The following JMY variants were observed in gnomAD, a reference collection of about 807,000 sequenced individuals.
JMY encodes the protein junction mediating and regulatory protein, p53 cofactor, also known as junction-mediating and -regulatory protein.
In JMY, 46 loss-of-function variants were observed where a neutral mutation model predicts 103.3. The observed-to-expected ratio is 0.45, with a 90% CI of 0.35 to 0.57. JMY has a LOEUF of 0.57. Among genes scored for constraint, JMY ranks in the 20% least tolerant of loss-of-function variants. JMY has a pLI of 0.00. For synonymous variants in JMY, 526 were observed against 489.3 expected (o/e 1.07, Z -0.99); for missense variants, 1,238 against 1,255.2 (o/e 0.99, Z 0.21).
intron 1 of JMY, among the ~76,000 whole-genome samples, chr5:79,265,679 C>T (rs1470771182): frequency 1.3e-5 from 2 of 152,046 alleles, no homozygotes; most frequent in African/African-American, 2.4e-5. Flanking sequence ...CATTTATGGA[C>T]TCAGTGTGAT....
At chr5:79,239,438 T>A (rs928888506) in intron 1 of JMY, among the ~76,000 whole-genome samples, 3 of 152,224 alleles carry the variant, frequency 2.0e-5, no homozygotes, top group African/African-American at 4.8e-5. Flanking sequence ...ACAGATATAT[T>A]TTTTAAAATA....
Position 79,316,215 on chromosome 5 carries a change from A to T in JMY, c.2875A>T (p.Ser959Cys). Reference protein sequence around the residue: ...LLPDTDPLTRSIHEALRRIKE... With the variant: ...LLPDTDPLTRCIHEALRRIKE... ...ACCCGATACAGACCCTCTAACACGGAGCATCCATGAAGCTCTTAGAAGAAT... is the reference window on the plus strand; with the variant it reads ...ACCCGATACAGACCCTCTAACACGGTGCATCCATGAAGCTCTTAGAAGAAT... The change falls in exon 10 of 11, where the codon AGC becomes TGC. Residue 959 changes from serine (S) to cysteine (C), a missense_variant. Physicochemically the swap from Ser to Cys is moderately radical, Grantham distance 112. Coordinates refer to ENST00000396137, the MANE Select transcript of JMY (RefSeq NM_152405.5). 1 of 1,614,096 alleles carries T rather than the reference A, an allele frequency of 6.2e-7. No homozygotes were observed. Among genetic ancestry groups the T allele is most frequent in the Non-Finnish European group, 8.5e-7 (1 of 1,179,960 alleles).
intron 1 of JMY, among the ~76,000 whole-genome samples, chr5:79,247,134 A>G (rs1286511040): frequency 6.6e-6 from 1 of 152,198 alleles, no homozygotes; most frequent in African/African-American, 2.4e-5. Flanking sequence ...TAAGTGATAA[A>G]TTTAAATGTT....
intron 10 of JMY, among the ~76,000 whole-genome samples, chr5:79,319,034 C>G (rs1747352744): frequency 6.6e-6 from 1 of 152,158 alleles, no homozygotes. Context: ...TTAGCTCTTT[C>G]ATTACAGATG....
intron 4 of JMY, among the ~76,000 whole-genome samples, chr5:79,297,480 G>A (rs1746595915): frequency 6.6e-6 from 1 of 152,156 alleles, no homozygotes; most frequent in Non-Finnish European, 1.5e-5. Context: ...GGAAATTTCA[G>A]ATGTTAAAAC....
chr5:79,314,354 G>A lies in JMY; in HGVS notation c.2162G>A (p.Cys721Tyr), dbSNP rs1233529188. The change falls in exon 9 of 11, where the codon TGT (cysteine) becomes TAT (tyrosine). Residue 721 changes from cysteine to tyrosine, a missense_variant. Coordinates refer to ENST00000396137, the MANE Select transcript of JMY (RefSeq NM_152405.5). Reference sequence around the variant, plus strand: ...AGTCCTGTTCTCCAAGAGGATCATTGTGACTCTTTACCAAGTGTGTTACAG... The same window carrying A: ...AGTCCTGTTCTCCAAGAGGATCATTATGACTCTTTACCAAGTGTGTTACAG... ...AASPVLQEDHCDSLPSVLQVE... is the reference protein window; with the variant it reads ...AASPVLQEDHYDSLPSVLQVE... 3.1e-6 allele frequency: 5 copies of A among 1,614,062 alleles called. No homozygotes were observed. Among genetic ancestry groups the A allele is most frequent in the East Asian group, 2.2e-5 (1 of 44,902 alleles).
At chr5:79,245,188 C>T (rs770039996) in intron 1 of JMY, among the ~76,000 whole-genome samples, 3 of 152,104 alleles carry the variant, frequency 2.0e-5, no homozygotes, top group Non-Finnish European at 2.9e-5. Flanking sequence ...TATGAAGTTA[C>T]TTTAATGATT....
intron 1 of JMY, among the ~76,000 whole-genome samples, chr5:79,276,441 T>C (rs997282726): frequency 6.6e-6 from 1 of 151,700 alleles, no homozygotes; most frequent in African/African-American, 2.4e-5. Context: ...TGTTTGTTCT[T>C]TTTTTTGAGA....
At chr5:79,239,542 C>G (rs370992369) in intron 1 of JMY, among the ~76,000 whole-genome samples, 1 of 152,254 alleles carries the variant, frequency 6.6e-6, no homozygotes, top group East Asian at 1.9e-4. Flanking sequence ...CGCGGTGGCT[C>G]ATGCCTGTAA....
intron 8 of JMY, 106 bp from the exon 9 acceptor site, chr5:79,314,151 A>T: frequency 3.3e-6 from 5 of 1,493,270 alleles, no homozygotes; most frequent in Non-Finnish European, 4.4e-6. Context: ...GAGCCACCAC[A>T]CCCGGCCACA....
chr5:79,320,812 G>C (rs1747426525), intron 10 of JMY, among the ~76,000 whole-genome samples: 1 of 152,062 alleles, frequency 6.6e-6, no homozygotes, highest in Non-Finnish European at 1.5e-5. Context: ...TAAGGACATT[G>C]CTTTCTATTT....
At chr5:79,316,589 G>A (rs1442656549) in intron 10 of JMY, among the ~76,000 whole-genome samples, 3 of 151,734 alleles carry the variant, frequency 2.0e-5, no homozygotes, top group Non-Finnish European at 4.4e-5. Flanking sequence ...CAAGTAAAGT[G>A]ACAGTCTCAT....
chr5:79,314,988 C>T (rs1292252560), intron 9 of JMY, 137 bp downstream of exon 9: 3 of 758,262 alleles, frequency 4.0e-6, no homozygotes, highest in African/African-American at 1.8e-5. Context: ...CAAAGTCACA[C>T]TAGAGGAGAA....
At position 79,314,628 on chromosome 5, in the gene JMY, A is replaced by AG; in HGVS notation, c.2436_2437insG (p.Pro813AlafsTer18). On this transcript the variant is annotated frameshift_variant, in exon 9 of 11. Transcript: ENST00000396137. LOFTEE classifies it high-confidence loss of function. ...CATCCCCTCTTCCTCCAACACCACC[A>AG]CCTCCCCCACCTCCTCCCCCTCCCC... The AG allele has an allele frequency of 8.9e-7, 1 of 1,128,850 alleles. No individual in the cohort carries two copies. Among genetic ancestry groups the AG allele is most frequent in the Non-Finnish European group, 1.3e-6 (1 of 797,286 alleles). 69.9% of individuals were successfully genotyped at this position (1,128,850 alleles called of 1,614,324 possible). A position where few individuals can be genotyped will look rare whatever the true frequency, so the allele number is the denominator to read the frequency against.
chr5:79,264,363 A>G (rs1745516899), intron 1 of JMY, among the ~76,000 whole-genome samples: 1 of 151,704 alleles, frequency 6.6e-6, no homozygotes, highest in Non-Finnish European at 1.5e-5. Context: ...CTGGAATTAC[A>G]GGTGTGAGCC....
chr5:79,266,993 GTTT>G (rs1745604089), intron 1 of JMY, among the ~76,000 whole-genome samples: 1 of 152,116 alleles, frequency 6.6e-6, no homozygotes, highest in Non-Finnish European at 1.5e-5. Context: ...TGTGTCATCT[GTTT>G]TTAAAAATTA....
chr5:79,300,413 A>T lies in JMY; in HGVS notation c.1693+95A>T, dbSNP rs1746698921. ...TATGTTTCTTTTGTTAAGACATTTA[A>T]AAAATTGTTTTCTGTAGGGATAGAG... is the stretch of plus-strand genomic sequence containing the variant. On this transcript the variant is annotated intron_variant, in intron 5 of 10. Transcript: ENST00000396137. 5.4e-6 allele frequency: 7 copies of T among 1,296,014 alleles called. No homozygotes were observed. The East Asian group carries it at 1.8e-4, about 33-fold the overall frequency. The allele number at this position is 1,296,014 out of a possible 1,614,324, so 80.3% of individuals were successfully genotyped here.
chr5:79,257,149 T>C (rs2112060238), intron 1 of JMY, among the ~76,000 whole-genome samples: 1 of 151,906 alleles, frequency 6.6e-6, no homozygotes, highest in South Asian at 2.1e-4. Context: ...CTCGGCTCAC[T>C]GCAATCTTTA....
intron 1 of JMY, among the ~76,000 whole-genome samples, chr5:79,263,595 A>G (rs1745490618): frequency 6.6e-6 from 1 of 152,106 alleles, no homozygotes; most frequent in Non-Finnish European, 1.5e-5. Context: ...GGTTTTCACC[A>G]TGTGGCCCAG....
Sources: allele counts gnomAD v4.1 joint callset (sites outside exome capture counted in the v4.1 genomes callset), GRCh38; gene constraint gnomAD v4.1.1; transcripts MANE v1.5; gene names NCBI Gene and HGNC (gene_info 2026-07-23, HGNC 2026-07-21).